The following SNRPG variants were observed in gnomAD, a reference collection of about 807,000 sequenced individuals.
SNRPG encodes small nuclear ribonucleoprotein G.
Under a neutral mutation model 13.9 loss-of-function variants are expected in SNRPG, and 3 were observed. The ratio of observed to expected loss-of-function variants is 0.22; its 90% CI spans 0.10 to 0.56. SNRPG has a LOEUF of 0.56. SNRPG is among the 20% of genes least tolerant of loss of function. The pLI, the probability that SNRPG is intolerant of heterozygous loss-of-function variation, is 0.93. For synonymous variants in SNRPG, 29 were observed against 29.3 expected (o/e 0.99, Z 0.03); for missense variants, 34 against 96.1 (o/e 0.35, Z 2.70).
intron 1 of SNRPG, among the ~76,000 whole-genome samples, chr2:70,290,817 C>A (rs1283627256): frequency 1.0e-5 from 1 of 100,490 alleles, no homozygotes; most frequent in African/African-American, 4.4e-5. Context: ...GAAAACCCGT[C>A]TCTACTAAAA....
At chr2:70,289,888 G>A (rs540726063) in intron 1 of SNRPG, among the ~76,000 whole-genome samples, 11 of 151,984 alleles carry the variant, frequency 7.2e-5, no homozygotes, top group African/African-American at 2.7e-4. Context: ...GAAGAGGAAA[G>A]GCAATAAAAA....
intron 1 of SNRPG, chr2:70,293,346 G>A: frequency 1.6e-6 from 1 of 634,682 alleles, no homozygotes; most frequent in Non-Finnish European, 2.8e-6. Flanking sequence ...ACGAGGGACA[G>A]CGCCGGGTGA....
intron 3 of SNRPG, chr2:70,287,476 G>A: frequency 3.3e-6 from 2 of 599,562 alleles, no homozygotes; most frequent in South Asian, 4.1e-5. Context: ...TCCTATGAGG[G>A]CTCAGTATGT....
intron 3 of SNRPG, among the ~76,000 whole-genome samples, chr2:70,283,096 C>CAAAAAAAAAAAAAAAAAAAAAAAAA (rs57862220): frequency 3.6e-4 from 5 of 14,034 alleles, no homozygotes; most frequent in African/African-American, 1.7e-3. Context: ...TGTCTTTTGT[C>CAAAAAAAAAAAAAAAAAAAAAAAAA]AAAAAAAAAA....
intron 3 of SNRPG, among the ~76,000 whole-genome samples, chr2:70,286,210 G>A (rs1394728003): frequency 6.6e-6 from 1 of 152,168 alleles, no homozygotes; most frequent in African/African-American, 2.4e-5. Context: ...TTATAGATGT[G>A]AGCTACTGTG....
chr2:70,289,250 G>T, intron 2 of SNRPG, 100 bp downstream of exon 2: 2 of 731,832 alleles, frequency 2.7e-6, no homozygotes, highest in Non-Finnish European at 4.6e-6. Context: ...ATCGCGCCTG[G>T]CTGCTTTAAA....
At position 70,288,116 on chromosome 2, in the gene SNRPG, T is replaced by A; in HGVS notation, c.132A>T (p.Glu44Asp). ...GTCCACTAGTCGCCATCTCCACACATTCATCTATCACAAGGTTCATAAAGG... is the reference window on the plus strand; with the variant it reads ...GTCCACTAGTCGCCATCTCCACACAATCATCTATCACAAGGTTCATAAAGG... Reference protein sequence around the residue: ...FDPFMNLVIDECVEMATSGQQ... With the variant: ...FDPFMNLVIDDCVEMATSGQQ... The change falls in exon 3 of 4, where the codon GAA becomes GAT. Residue 44 changes from glutamate to aspartate, a missense_variant. Physicochemically the swap from Glu to Asp is conservative, Grantham distance 45. Coordinates refer to ENST00000272348, the MANE Select transcript of SNRPG (RefSeq NM_003096.4). The A allele has an allele frequency of 6.2e-7, 1 of 1,610,976 alleles. No individual in the cohort carries two copies. The highest frequency in any genetic ancestry group is 8.5e-7 in the Non-Finnish European group (1 of 1,177,954).
chr2:70,290,470 T>C (rs925120123), intron 1 of SNRPG, among the ~76,000 whole-genome samples: 1 of 151,534 alleles, frequency 6.6e-6, no homozygotes, highest in African/African-American at 2.4e-5. Context: ...GTCAAATCAG[T>C]TTTTAATTTC....
In SNRPG at chr2:70,293,653, G is replaced by A. The variant is rs769221300; in HGVS notation, c.-4C>T. ...CGGGAGGGTGAGCTTTGCTCATGGT[G>A]TATACTCCGCGGGCTCACAGATGCC... On this transcript the variant is annotated 5_prime_UTR_variant, in exon 1 of 4. Coordinates refer to ENST00000272348, the MANE Select transcript of SNRPG (RefSeq NM_003096.4). The A allele has an allele frequency of 2.5e-6, 4 of 1,613,990 alleles. No homozygotes were observed. The highest frequency in any genetic ancestry group is 1.3e-5 in the African/African-American group (1 of 75,058).
At chr2:70,285,790 G>A (rs1696929076) in intron 3 of SNRPG, among the ~76,000 whole-genome samples, 1 of 152,080 alleles carries the variant, frequency 6.6e-6, no homozygotes, top group African/African-American at 2.4e-5. Context: ...TGCTACAGAA[G>A]GACAACCCTA....
intron 1 of SNRPG, chr2:70,293,279 A>AC (rs1180434900): frequency 2.9e-6 from 2 of 696,734 alleles, no homozygotes; most frequent in African/African-American, 1.8e-5. Flanking sequence ...CCGTCTATCT[A>AC]GAACATGATA....
At chr2:70,291,497 C>T (rs961694362) in intron 1 of SNRPG, among the ~76,000 whole-genome samples, 3 of 152,092 alleles carry the variant, frequency 2.0e-5, no homozygotes, top group Non-Finnish European at 4.4e-5. Flanking sequence ...TGGGGGCAGT[C>T]GAATAAGCAG....
At chr2:70,293,031 G>A in intron 1 of SNRPG, 11 of 613,556 alleles carry the variant, frequency 1.8e-5, no homozygotes, top group Non-Finnish European at 2.3e-5. Flanking sequence ...TAAAAAAAAA[G>A]AAAAATGAAT....
chr2:70,287,685 TA>T (rs1455574208), intron 3 of SNRPG: 3 of 412,584 alleles, frequency 7.3e-6, no homozygotes, highest in Admixed American at 4.2e-5. Context: ...TGCAAAACCT[TA>T]GTTAAGTTCT....
chr2:70,293,611 T>TA lies in SNRPG; in HGVS notation c.32+6dup, dbSNP rs767879369. ...ACCACTTCGGTTTGGCTCTCACACA[T>TA]ACTTACTTTTTCAACTCGGGAGGGT... On this transcript the variant is annotated splice_region_variant and intron_variant, in intron 1 of 3. Transcript: ENST00000272348. The TA allele has an allele frequency of 6.2e-7, 1 of 1,613,308 alleles. No homozygotes were observed. The highest frequency in any genetic ancestry group is 8.5e-7 in the Non-Finnish European group (1 of 1,179,292).
In SNRPG at chr2:70,293,695, G is replaced by C. The variant is rs191710102; in HGVS notation, c.-46C>G. 5.7e-6 allele frequency: 9 copies of C among 1,590,910 alleles called. No homozygotes were observed. Among genetic ancestry groups the C allele is most frequent in the African/African-American group, 2.7e-5 (2 of 74,590 alleles). ...ACAGATGCCTTGGAACGCAACGCAC[G>C]GCTTTCCTCACGCTCCCGCTGTAGG... On this transcript the variant is annotated 5_prime_UTR_variant, in exon 1 of 4. Transcript: ENST00000272348.
chr2:70,290,594 C>A (rs1456517347), intron 1 of SNRPG, among the ~76,000 whole-genome samples: 1 of 151,126 alleles, frequency 6.6e-6, no homozygotes, highest in Non-Finnish European at 1.5e-5. Context: ...CGAAGTGGGG[C>A]ACTTATTCAA....
chr2:70,284,842 G>A (rs895957023), intron 3 of SNRPG, among the ~76,000 whole-genome samples: 1 of 152,110 alleles, frequency 6.6e-6, no homozygotes, highest in Non-Finnish European at 1.5e-5. Context: ...AAGGCTAAAT[G>A]GTGAACTTTG....
intron 3 of SNRPG, among the ~76,000 whole-genome samples, chr2:70,284,773 T>TCCTGCCTAGCTC (rs1696898818): frequency 6.6e-6 from 1 of 152,206 alleles, no homozygotes; most frequent in African/African-American, 2.4e-5. Flanking sequence ...AAGCTAGCCT[T>TCCTGCCTAGCTC]CCTGCCTAGC....
Sources: allele counts gnomAD v4.1 joint callset (sites outside exome capture counted in the v4.1 genomes callset), GRCh38; gene constraint gnomAD v4.1.1; transcripts MANE v1.5; gene names NCBI Gene and HGNC (gene_info 2026-07-23, HGNC 2026-07-21).